PTH2R: variants seen among roughly 807,000 people sequenced by gnomAD.
PTH2R encodes parathyroid hormone 2 receptor, also known as PTH2 receptor.
PTH2R carries 59 observed loss-of-function variants against 60.3 expected under a neutral mutation model. The ratio of observed to expected loss-of-function variants is 0.98; its 90% CI spans 0.79 to 1.22. PTH2R has a LOEUF of 1.22. Among genes scored for constraint, PTH2R ranks in the 50% most tolerant of loss-of-function variants. The pLI is 0.00. For synonymous variants in PTH2R, 256 were observed against 243.8 expected, an observed-to-expected ratio of 1.05 and a Z score of -0.47; for missense variants, 749 against 682.6, an observed-to-expected ratio of 1.10 and a Z score of -1.08.
chr2:208,376,829 C>A (rs1391950184), intron 1 of PTH2R, among the ~76,000 whole-genome samples: 1 of 151,838 alleles, frequency 6.6e-6, no homozygotes, highest in African/African-American at 2.4e-5. Flanking sequence ...CACTCCTATC[C>A]TCTTCAATTA....
Position 208,481,101 on chromosome 2 carries a change from G to C in PTH2R, c.1013G>C (p.Arg338Thr). 1.9e-6 allele frequency: 3 copies of C among 1,611,122 alleles called. No individual in the cohort carries two copies. Among genetic ancestry groups the C allele is most frequent in the Non-Finnish European group, 2.5e-6 (3 of 1,177,732 alleles). ...TTTATTCTGTTTCTGAATACGGTTA[G>C]AGTTCTAGCTACCAAAATCTGGGAG... The part of the protein sequence containing the change: ...LNFILFLNTV[R>T]VLATKIWETN... The change falls in exon 10 of 13, where the codon AGA becomes ACA. Residue 338 changes from arginine (R) to threonine (T), a missense_variant. Arg to Thr is a moderately conservative substitution (Grantham distance 71). Transcript: ENST00000272847.
chr2:208,409,638 C>T (rs1349617036), intron 1 of PTH2R, among the ~76,000 whole-genome samples: 2 of 152,094 alleles, frequency 1.3e-5, no homozygotes, highest in Non-Finnish European at 2.9e-5. Flanking sequence ...ATTCAGTAAA[C>T]ACTGGATCAC....
chr2:208,407,239 C>T, intron 1 of PTH2R, 121 bp downstream of exon 1: 1 of 788,030 alleles, frequency 1.3e-6, no homozygotes, highest in Non-Finnish European at 1.8e-6. Context: ...CACAAACGCC[C>T]CGGCACGCAC....
At chr2:208,387,549 T>C (rs1701024569) in intron 1 of PTH2R, among the ~76,000 whole-genome samples, 1 of 152,158 alleles carries the variant, frequency 6.6e-6, no homozygotes, top group African/African-American at 2.4e-5. Flanking sequence ...AAATTCCTGG[T>C]GTTTCAGAAA....
intron 1 of PTH2R, among the ~76,000 whole-genome samples, chr2:208,393,137 C>T (rs1477717845): frequency 6.6e-6 from 1 of 152,206 alleles, no homozygotes; most frequent in Non-Finnish European, 1.5e-5. Flanking sequence ...TTTTCTCAGG[C>T]CTCCTCCTGA....
chr2:208,405,030 G>A (rs77890173), upstream of PTH2R, among the ~76,000 whole-genome samples: 5,036 of 152,240 alleles, frequency 0.033, 257 homozygotes, highest in African/African-American at 0.11. Flanking sequence ...TTCTATCAGA[G>A]CAGCCTTACA....
chr2:208,393,109 C>T (rs867217327), intron 1 of PTH2R, among the ~76,000 whole-genome samples: 8 of 152,266 alleles, frequency 5.3e-5, no homozygotes, highest in Middle Eastern at 3.4e-3. Context: ...AGCCTCTGTT[C>T]TCTTGTATTT....
At chr2:208,469,305 CAAAG>C (rs1364718406) in intron 9 of PTH2R, among the ~76,000 whole-genome samples, 2 of 152,172 alleles carry the variant, frequency 1.3e-5, no homozygotes, top group Non-Finnish European at 2.9e-5. Flanking sequence ...TATATGCTAA[CAAAG>C]AAACTATTTG....
At chr2:208,417,102 T>C (rs777489580) in intron 1 of PTH2R, among the ~76,000 whole-genome samples, 3 of 152,194 alleles carry the variant, frequency 2.0e-5, no homozygotes, top group Admixed American at 6.5e-5. Flanking sequence ...AGTCTCTTGA[T>C]CTTTGGTACT....
In PTH2R at chr2:208,440,545, C is replaced by T. The variant is rs568424484; in HGVS notation, c.412-1819C>T. ...AGATGCAAAATTAATAATTTGTAAACATGAGTTGAGGATGCCAAGAAATCT... is the reference window on the plus strand; with the variant it reads ...AGATGCAAAATTAATAATTTGTAAATATGAGTTGAGGATGCCAAGAAATCT... On this transcript the variant is annotated intron_variant, in intron 4 of 12. Coordinates refer to ENST00000272847, the MANE Select transcript of PTH2R (RefSeq NM_005048.4). Among the ~76,000 whole-genome samples the T allele has an allele frequency of 1.4e-4, 22 of 152,220 alleles. No homozygotes were observed. In the South Asian group the frequency reaches 4.6e-3, roughly 32 times the overall value.
At chr2:208,408,357 A>G (rs1156571524) in intron 1 of PTH2R, among the ~76,000 whole-genome samples, 1 of 152,226 alleles carries the variant, frequency 6.6e-6, no homozygotes, top group African/African-American at 2.4e-5. Context: ...TGATCGTTAT[A>G]GAACTCTGGT....
chr2:208,486,963 G>A (rs922156699), intron 10 of PTH2R, among the ~76,000 whole-genome samples: 1 of 152,182 alleles, frequency 6.6e-6, no homozygotes, highest in African/African-American at 2.4e-5. Flanking sequence ...CTGAATGTGA[G>A]GATGAGTGGG....
intron 10 of PTH2R, among the ~76,000 whole-genome samples, chr2:208,485,699 ATTGGCCCCCAAGAT>A (rs1263946380): frequency 6.6e-6 from 1 of 152,244 alleles, no homozygotes; most frequent in East Asian, 1.9e-4. Flanking sequence ...ATATTTCTAT[ATTGGCCCCCAAGAT>A]TCCTGCCCAT....
chr2:208,458,412 T>C (rs889715320), intron 8 of PTH2R, among the ~76,000 whole-genome samples: 22 of 152,172 alleles, frequency 1.4e-4, no homozygotes, highest in Non-Finnish European at 2.8e-4. Flanking sequence ...GTGGATCTTA[T>C]ACAAATAGAA....
intron 1 of PTH2R, among the ~76,000 whole-genome samples, chr2:208,374,444 C>T (rs1227777867): frequency 6.6e-6 from 1 of 152,084 alleles, no homozygotes; most frequent in Non-Finnish European, 1.5e-5. Flanking sequence ...TTTGGTTTAG[C>T]ACTTGTTTGA....
intron 1 of PTH2R, among the ~76,000 whole-genome samples, chr2:208,378,043 G>A (rs1480071753): frequency 6.6e-6 from 1 of 152,112 alleles, no homozygotes; most frequent in African/African-American, 2.4e-5. Context: ...GGAGGTTGTA[G>A]CTAGCCGAGA....
chr2:208,472,943 A>T (rs1702918029), intron 9 of PTH2R, among the ~76,000 whole-genome samples: 1 of 152,176 alleles, frequency 6.6e-6, no homozygotes, highest in Non-Finnish European at 1.5e-5. Flanking sequence ...CCAAGGTCAA[A>T]CCCAGGTAAT....
intron 1 of PTH2R, among the ~76,000 whole-genome samples, chr2:208,407,907 G>A (rs1008447991): frequency 6.6e-6 from 1 of 152,198 alleles, no homozygotes; most frequent in African/African-American, 2.4e-5. Context: ...GGTGCACCTA[G>A]ACCGTCAAAT....
chr2:208,406,233 TTAAAAA>T (rs1329440639), upstream of PTH2R, among the ~76,000 whole-genome samples: 32 of 151,662 alleles, frequency 2.1e-4, no homozygotes, highest in African/African-American at 7.3e-4. Context: ...ATAGTCAAAC[TTAAAAA>T]TAAACTAAAA....
Sources: allele counts gnomAD v4.1 joint callset (sites outside exome capture counted in the v4.1 genomes callset), GRCh38; gene constraint gnomAD v4.1.1; transcripts MANE v1.5; gene names NCBI Gene and HGNC (gene_info 2026-07-23, HGNC 2026-07-21).